Variants in GLIS3 observed in about 807,000 individuals in gnomAD.
GLIS3 encodes GLIS family zinc finger 3, also known as zinc finger protein GLIS3.
Under a neutral mutation model 78.6 loss-of-function variants are expected in GLIS3, and 53 were observed. The ratio of observed to expected loss-of-function variants is 0.67; its 90% CI spans 0.54 to 0.85. The LOEUF (loss-of-function observed/expected upper bound fraction) is 0.85. Among genes scored for constraint, GLIS3 ranks in the 40% least tolerant of loss-of-function variants. The pLI is 0.00. For missense variants in GLIS3, 1,703 were observed against 1,231.1 expected (o/e 1.38, Z -5.74); for synonymous variants, 684 against 509.9 (o/e 1.34, Z -4.60).
At chr9:4,093,691 C>T (rs980486233) in intron 4 of GLIS3, among the ~76,000 whole-genome samples, 2 of 152,184 alleles carry the variant, frequency 1.3e-5, no homozygotes, top group Admixed American at 1.3e-4. Context: ...CCTTCAGCTT[C>T]CTTGCTAACC....
chr9:4,304,793 A>G (rs956546432), upstream of GLIS3, among the ~76,000 whole-genome samples: 2 of 152,216 alleles, frequency 1.3e-5, no homozygotes, highest in African/African-American at 4.8e-5. Context: ...TATACCTGCA[A>G]AGGGGTTTGA....
chr9:4,073,270 C>G (rs1225555685), intron 4 of GLIS3, among the ~76,000 whole-genome samples: 2 of 152,194 alleles, frequency 1.3e-5, no homozygotes, highest in African/African-American at 4.8e-5. Context: ...CATCTGAACA[C>G]AGGATGCTCC....
the GLIS3 span, among the ~76,000 whole-genome samples, chr9:4,378,876 C>CTGATTCTTCCTCTA: frequency 2.0e-5 from 3 of 152,162 alleles, no homozygotes; most frequent in Non-Finnish European, 4.4e-5. Context: ...GACCTGGAGA[C>CTGATTCTTCCTCTA]TGATTCTTCC....
intron 2 of GLIS3, among the ~76,000 whole-genome samples, chr9:4,252,027 T>C (rs772520136): frequency 1.3e-5 from 2 of 152,348 alleles, no homozygotes; most frequent in Non-Finnish European, 2.9e-5. Flanking sequence ...TCTCTCTGGC[T>C]GCCCTGAACA....
At chr9:4,279,163 G>A (rs1827296085) in intron 2 of GLIS3, among the ~76,000 whole-genome samples, 1 of 151,492 alleles carries the variant, frequency 6.6e-6, no homozygotes, top group African/African-American at 2.4e-5. Flanking sequence ...TCCGGGCGTG[G>A]TGGCAGGCAC....
chr9:4,107,992 A>G (rs1830905972), intron 4 of GLIS3, among the ~76,000 whole-genome samples: 1 of 152,142 alleles, frequency 6.6e-6, no homozygotes, highest in Non-Finnish European at 1.5e-5. Flanking sequence ...GGTCTACAGT[A>G]TGTTAATCGT....
rs750530846 is a variant in GLIS3, at chr9:3,879,570, T to G, written c.2154A>C (p.Ser718=). The G allele has an allele frequency of 2.5e-6, 4 of 1,614,070 alleles. No homozygotes were observed. The Admixed American group carries it at 6.7e-5, about 27-fold the overall frequency. Residue 718 remains serine (S), a synonymous_variant, in exon 8 of 11, where the codon TCA becomes TCC. Coordinates refer to ENST00000381971, the MANE Select transcript of GLIS3 (RefSeq NM_001042413.2). ...CCCCAGCAGCTGTTCCACTTCGGCT[T>G]GAATAATTGCTGGAGAAAATGGGAG... ...YSAPIFSSNY[S]SRSGTAAGAV...
At chr9:3,938,797 G>A (rs956270968) in intron 4 of GLIS3, among the ~76,000 whole-genome samples, 2 of 152,190 alleles carry the variant, frequency 1.3e-5, no homozygotes, top group Admixed American at 1.3e-4. Context: ...TTTCAGCAGA[G>A]TGAAAGGAAA....
intron 2 of GLIS3, among the ~76,000 whole-genome samples, chr9:4,279,253 G>A (rs1169217231): frequency 3.3e-4 from 45 of 138,300 alleles, no homozygotes; most frequent in Non-Finnish European, 4.7e-4. Context: ...AGCCGAGATC[G>A]CGCCACTGCA....
chr9:3,876,875 G>A (rs1223242043), intron 8 of GLIS3, among the ~76,000 whole-genome samples: 3 of 151,612 alleles, frequency 2.0e-5, no homozygotes, highest in Non-Finnish European at 4.4e-5. Flanking sequence ...CAAGCAGCAG[G>A]AGCAGCTAAG....
intron 8 of GLIS3, among the ~76,000 whole-genome samples, chr9:3,870,257 C>G (rs1482285153): frequency 6.6e-6 from 1 of 152,126 alleles, no homozygotes; most frequent in African/African-American, 2.4e-5. Context: ...AGTATATTCT[C>G]AGGCTATGAT....
chr9:3,829,435 A>C lies in GLIS3; in HGVS notation c.2531T>G (p.Ile844Ser). 1 of 1,614,126 alleles carries C rather than the reference A, an allele frequency of 6.2e-7. No individual in the cohort carries two copies. The highest frequency in any genetic ancestry group is 8.5e-7 in the Non-Finnish European group (1 of 1,180,012). Residue 844 changes from isoleucine to serine, a missense_variant, in exon 10 of 11, where the codon ATT (isoleucine) becomes AGT (serine). Ile to Ser is a moderately radical substitution (Grantham distance 142, BLOSUM62 -2). Coordinates refer to ENST00000381971, the MANE Select transcript of GLIS3 (RefSeq NM_001042413.2). ...CPPHYPDSQR[I>S]VPPVSSCSVV... is the part of the protein sequence containing the mutation. ...ACTGCAGGAGCTGACAGGCGGCACA[A>C]TTCTCTGGGAATCGGGGTAGTGTGG... is the stretch of plus-strand genomic sequence containing the variant.
At chr9:4,389,247 C>G in the GLIS3 span, among the ~76,000 whole-genome samples, 1 of 152,222 alleles carries the variant, frequency 6.6e-6, no homozygotes, top group Non-Finnish European at 1.5e-5. Context: ...GATTCAACCT[C>G]AGGGCTAATT....
At chr9:4,489,901 G>T in the GLIS3 span, among the ~76,000 whole-genome samples, 1 of 152,220 alleles carries the variant, frequency 6.6e-6, no homozygotes, top group Admixed American at 6.5e-5. Flanking sequence ...ATCCCTGTGG[G>T]GGCACTGGAG....
At chr9:4,394,529 T>G in the GLIS3 span, among the ~76,000 whole-genome samples, 42 of 152,100 alleles carry the variant, frequency 2.8e-4, no homozygotes, top group Non-Finnish European at 5.0e-4. Context: ...AAGCTTTAAT[T>G]TGGTGATGCT....
upstream of GLIS3, among the ~76,000 whole-genome samples, chr9:4,303,004 C>G (rs1314983059): frequency 2.6e-5 from 4 of 152,138 alleles, no homozygotes; most frequent in African/African-American, 9.7e-5. Context: ...GCAGCTCACT[C>G]AAAGCTAGAG....
intron 4 of GLIS3, among the ~76,000 whole-genome samples, chr9:3,963,781 C>T (rs1006180744): frequency 1.3e-5 from 2 of 151,994 alleles, no homozygotes; most frequent in African/African-American, 4.8e-5. Context: ...CAGGCCTCAC[C>T]GAGACACCAA....
chr9:3,955,887 C>T (rs1367344144), intron 4 of GLIS3, among the ~76,000 whole-genome samples: 4 of 151,928 alleles, frequency 2.6e-5, no homozygotes, highest in African/African-American at 9.7e-5. Context: ...TCAATATAAT[C>T]AGCAATGAGA....
chr9:4,305,810 C>T (rs2130506624), intron 4 of GLIS3: 1 of 152,278 alleles, frequency 6.6e-6, no homozygotes, highest in Non-Finnish European at 1.5e-5. Context: ...AGAAGGCTCA[C>T]ACTTGGTGAA....
Sources: gnomAD v4.1 joint callset for allele counts (sites outside exome capture counted in the v4.1 genomes callset) on GRCh38, gnomAD v4.1.1 for gene constraint, MANE v1.5 for transcripts, NCBI Gene and HGNC (gene_info 2026-07-23, HGNC 2026-07-21) for gene names.